TENM2: variants seen among roughly 807,000 people sequenced by gnomAD.
TENM2 encodes teneurin-2.
A neutral mutation model predicts 245.2 loss-of-function variants in TENM2; 52 were observed. That is an observed-to-expected ratio of 0.21 (90% CI 0.17 to 0.27). The LOEUF (loss-of-function observed/expected upper bound fraction) is 0.27. Ranked by LOEUF, TENM2 falls within the 10% of genes least tolerant of loss-of-function variation. TENM2 has a pLI of 1.00. For synonymous variants in TENM2, 1,363 were observed against 1,438.9 expected, an observed-to-expected ratio of 0.95 and a Z score of 1.19; for missense variants, 3,046 against 3,666.8, an observed-to-expected ratio of 0.83 and a Z score of 4.37.
In TENM2 at chr5:168,118,033, G is replaced by A. The variant is rs143923467; in HGVS notation, c.1814-259G>A. ...CACCTCATAGGGTGATTACGATGAT[G>A]AAGTCATGAATTGCACATAAAGCCT... On this transcript the variant is annotated intron_variant, in intron 9 of 28. Transcript: ENST00000518659. Among the ~76,000 whole-genome samples, 10 of 152,330 alleles carry A rather than the reference G, an allele frequency of 6.6e-5. 1 individual carries two copies. Among genetic ancestry groups the A allele is most frequent in the African/African-American group, 2.4e-4 (10 of 41,576 alleles).
At chr5:167,490,594 A>G (rs1015596188) in intron 2 of TENM2, among the ~76,000 whole-genome samples, 3 of 152,138 alleles carry the variant, frequency 2.0e-5, no homozygotes, top group African/African-American at 7.2e-5. Flanking sequence ...GGAAGCAATA[A>G]TTTATACCCA....
chr5:167,683,263 C>CTTTG (rs1358544068), intron 2 of TENM2, among the ~76,000 whole-genome samples: 119 of 148,820 alleles, frequency 8.0e-4, no homozygotes, highest in Non-Finnish European at 1.4e-3. Context: ...TTTTTTTTCC[C>CTTTG]CCCCTGGGCA....
intron 1 of TENM2, among the ~76,000 whole-genome samples, chr5:167,331,624 C>G (rs541543526): frequency 6.6e-6 from 1 of 152,322 alleles, no homozygotes; most frequent in African/African-American, 2.4e-5. Flanking sequence ...AGAACCTCTT[C>G]TGTTTGCAAG....
At chr5:167,111,320 T>G in the TENM2 span, among the ~76,000 whole-genome samples, 57 of 152,182 alleles carry the variant, frequency 3.7e-4, no homozygotes, top group Non-Finnish European at 7.4e-4. Flanking sequence ...AACTGATGCA[T>G]GTAAGTAGTT....
At chr5:167,253,435 T>G in the TENM2 span, among the ~76,000 whole-genome samples, 1 of 151,844 alleles carries the variant, frequency 6.6e-6, no homozygotes, top group East Asian at 1.9e-4. Flanking sequence ...GAGTCAACAT[T>G]TTAATGAGAA....
At chr5:167,991,279 T>A (rs1343618192) in intron 4 of TENM2, among the ~76,000 whole-genome samples, 1 of 152,214 alleles carries the variant, frequency 6.6e-6, no homozygotes, top group Non-Finnish European at 1.5e-5. Context: ...TGCAAGACAA[T>A]GAGAGGACTT....
chr5:168,011,249 A>G lies in TENM2; in HGVS notation c.1186+18067A>G, dbSNP rs2617962. ...TGGGAATGATGTGCAGATGGTCTCC[A>G]GTGAGACTCACCCAGCAAGATTCTC... On this transcript the variant is annotated intron_variant, in intron 5 of 28. Coordinates refer to ENST00000518659, the Ensembl canonical transcript of TENM2. Among the ~76,000 whole-genome samples the G allele has an allele frequency of 5.3e-3, 813 of 152,344 alleles. 7 individuals carry two copies. The highest frequency in any genetic ancestry group is 0.019 in the African/African-American group (773 of 41,574).
chr5:167,718,681 G>A (rs980764205), intron 2 of TENM2, among the ~76,000 whole-genome samples: 1 of 152,138 alleles, frequency 6.6e-6, no homozygotes, highest in African/African-American at 2.4e-5. Context: ...TATAGATCGG[G>A]ATTCATACAA....
intron 2 of TENM2, among the ~76,000 whole-genome samples, chr5:167,579,095 C>T (rs1774910946): frequency 6.6e-6 from 1 of 152,166 alleles, no homozygotes; most frequent in Non-Finnish European, 1.5e-5. Flanking sequence ...AGCTTTCCAT[C>T]TTCCCACCAT....
At chr5:167,758,703 A>G (rs1472080838) in intron 2 of TENM2, among the ~76,000 whole-genome samples, 5 of 151,638 alleles carry the variant, frequency 3.3e-5, no homozygotes, top group Non-Finnish European at 7.4e-5. Flanking sequence ...ATTTATTAGG[A>G]CTCTGGTTCT....
intron 2 of TENM2, chr5:167,755,131 CG>C (rs777087399): frequency 6.3e-7 from 1 of 1,599,074 alleles, no homozygotes; most frequent in Admixed American, 1.7e-5. Flanking sequence ...TATGGAGACC[CG>C]GCAGTACCTC....
intron 1 of TENM2, among the ~76,000 whole-genome samples, chr5:167,336,565 G>C (rs1757767217): frequency 1.3e-5 from 2 of 152,016 alleles, no homozygotes; most frequent in Non-Finnish European, 2.9e-5. Flanking sequence ...CAGAACGGTA[G>C]AGAATTCCAA....
the TENM2 span, among the ~76,000 whole-genome samples, chr5:167,025,874 T>C: frequency 4.0e-4 from 61 of 152,312 alleles, no homozygotes; most frequent in Non-Finnish European, 7.8e-4. Flanking sequence ...AGCTTTCTTC[T>C]ACCTCATACC....
At chr5:167,084,327 T>TTATTTATATATATATATATA in the TENM2 span, among the ~76,000 whole-genome samples, 1 of 23,178 alleles carries the variant, frequency 4.3e-5, no homozygotes, top group African/African-American at 9.0e-5. Flanking sequence ...GCCATTTTAG[T>TTATTTATATATATATATATA]TATATATATA....
At chr5:167,009,849 G>A in the TENM2 span, among the ~76,000 whole-genome samples, 72 of 152,212 alleles carry the variant, frequency 4.7e-4, no homozygotes, top group Middle Eastern at 6.8e-3. Flanking sequence ...TTGGTTTTTA[G>A]GTTGCTAGTA....
At chr5:167,841,601 C>A (rs1735080818) in intron 2 of TENM2, among the ~76,000 whole-genome samples, 1 of 152,190 alleles carries the variant, frequency 6.6e-6, no homozygotes, top group Non-Finnish European at 1.5e-5. Flanking sequence ...CTCAGTGTGT[C>A]TTTCCTAAGA....
chr5:168,076,576 C>T (rs1791497627), intron 7 of TENM2, among the ~76,000 whole-genome samples: 1 of 152,104 alleles, frequency 6.6e-6, no homozygotes. Flanking sequence ...CATTATATTC[C>T]CCCTTGAAAA....
At chr5:167,369,788 T>C (rs1355096217) in intron 1 of TENM2, among the ~76,000 whole-genome samples, 1 of 152,232 alleles carries the variant, frequency 6.6e-6, no homozygotes, top group Non-Finnish European at 1.5e-5. Context: ...TTTTATCTTC[T>C]TGCCCTTGTA....
At chr5:168,170,459 G>A (rs567678556) in intron 13 of TENM2, among the ~76,000 whole-genome samples, 5 of 151,950 alleles carry the variant, frequency 3.3e-5, no homozygotes, top group Admixed American at 6.6e-5. Context: ...AGGCAAGATC[G>A]CACCACTGCA....
Sources: allele counts gnomAD v4.1 joint callset (sites outside exome capture counted in the v4.1 genomes callset), GRCh38; gene constraint gnomAD v4.1.1; transcripts MANE v1.5; gene names NCBI Gene and HGNC (gene_info 2026-07-23, HGNC 2026-07-21).